Variants in WFS1 observed in about 807,000 individuals in gnomAD.
The protein encoded by WFS1 is wolframin.
A neutral mutation model predicts 68.5 loss-of-function variants in WFS1; 90 were observed. The observed-to-expected ratio is 1.31, with a 90% confidence interval of 1.11 to 1.56. WFS1 has a LOEUF of 1.56. Ranked by LOEUF, WFS1 falls within the 40% of genes most tolerant of loss-of-function variation. WFS1 has a pLI of 0.00. For synonymous variants in WFS1, 860 were observed against 540.7 expected (o/e 1.59, Z -8.19); for missense variants, 1,767 against 1,232.6 (o/e 1.43, Z -6.49).
At chr4:6,299,464 G>C (rs558790626) in intron 7 of WFS1, among the ~76,000 whole-genome samples, 4 of 150,394 alleles carry the variant, frequency 2.7e-5, no homozygotes, top group Non-Finnish European at 5.9e-5. Context: ...GCATGTGTGA[G>C]GGTGCACGTG....
chr4:6,276,414 G>A (rs1729996438), intron 1 of WFS1, among the ~76,000 whole-genome samples: 1 of 152,188 alleles, frequency 6.6e-6, no homozygotes, highest in Non-Finnish European at 1.5e-5. Flanking sequence ...ACGGGTCACG[G>A]GATCTCTGCT....
Position 6,302,822 on chromosome 4 carries a change from C to CCT in WFS1, c.*357_*358dup, listed in dbSNP as rs1491503891. On this transcript the variant is annotated 3_prime_UTR_variant, in exon 8 of 8. Coordinates refer to ENST00000226760, the MANE Select transcript of WFS1 (RefSeq NM_006005.3). ...TCCCCCACCTTCAAGCACCCTGTTCCCTCTTTCTTTCTTTTGTGTTGGATT... is the reference window on the plus strand; with the variant it reads ...TCCCCCACCTTCAAGCACCCTGTTCCCTCTCTTTCTTTCTTTTGTGTTGGATT... 2 of 380,056 alleles carry CCT rather than the reference C, an allele frequency of 5.3e-6. No individual in the cohort carries two copies. Among genetic ancestry groups the CCT allele is most frequent in the African/African-American group, 2.1e-5 (1 of 48,746 alleles). 23.5% of individuals were successfully genotyped at this position (380,056 alleles called of 1,614,324 possible).
rs1041909731 is a variant in WFS1, at chr4:6,301,887, G to T, written c.2092G>T (p.Val698Phe). The T allele has an allele frequency of 6.2e-7, 1 of 1,612,898 alleles. No individual in the cohort carries two copies. The highest frequency in any genetic ancestry group is 8.5e-7 in the Non-Finnish European group (1 of 1,179,824). The change falls in exon 8 of 8, where the codon GTC becomes TTC. Residue 698 changes from valine (V) to phenylalanine (F), a missense_variant. Val to Phe is a conservative substitution (Grantham distance 50). Transcript: ENST00000226760. ...CTGCAGCCACCTGGAGGGCCACAGG[G>T]TCACGTGGACCGGCCGCTTCAAGTA... ...ILCSHLEGHR[V>F]TWTGRFKYVR...
At chr4:6,298,778 A>G (rs1730728528) in intron 7 of WFS1, among the ~76,000 whole-genome samples, 1 of 152,238 alleles carries the variant, frequency 6.6e-6, no homozygotes, top group African/African-American at 2.4e-5. Context: ...GGCTGTTGGC[A>G]GGTGAGGGCC....
At chr4:6,273,450 G>T (rs537949192) in intron 1 of WFS1, among the ~76,000 whole-genome samples, 6 of 152,342 alleles carry the variant, frequency 3.9e-5, no homozygotes, top group African/African-American at 1.4e-4. Context: ...GGATCTGAGG[G>T]TGCAGAGTGG....
rs398124214 is a variant in WFS1 at position 6,302,295 on chromosome 4, G to T, written c.2500G>T (p.Gly834Cys). The T allele has an allele frequency of 1.2e-6, 2 of 1,606,054 alleles. No homozygotes were observed. The highest frequency in any genetic ancestry group is 1.7e-6 in the Non-Finnish European group (2 of 1,174,766). ...EFSTILEGRLGSKWPVFELKA... is the reference protein window; with the variant it reads ...EFSTILEGRLCSKWPVFELKA... ...CAGCACCATCCTGGAGGGCCGCCTG[G>T]GCAGCAAGTGGCCTGTCTTCGAGCT... The change falls in exon 8 of 8, where the codon GGC (glycine) becomes TGC (cysteine). Residue 834 changes from glycine to cysteine, a missense_variant. By Grantham distance (159) the Gly-to-Cys change is radical. Coordinates refer to ENST00000226760, the MANE Select transcript of WFS1 (RefSeq NM_006005.3).
chr4:6,288,165 C>T (rs1442204182), intron 3 of WFS1, among the ~76,000 whole-genome samples: 5 of 149,178 alleles, frequency 3.4e-5, no homozygotes, highest in Admixed American at 6.8e-5. Context: ...TGCAGTGAGC[C>T]GAGATCGCAC....
chr4:6,275,078 C>G (rs62283057), intron 1 of WFS1, among the ~76,000 whole-genome samples: 1 of 151,984 alleles, frequency 6.6e-6, no homozygotes, highest in East Asian at 1.9e-4. Context: ...GAGGAACTCA[C>G]GACAATAGGA....
rs766488272 is a variant in WFS1 at position 6,301,278 on chromosome 4, C to G, written c.1483C>G (p.His495Asp). The G allele has an allele frequency of 1.2e-6, 2 of 1,611,474 alleles. No individual in the cohort carries two copies. The highest frequency in any genetic ancestry group is 3.3e-4 in the Middle Eastern group (2 of 6,062). Residue 495 changes from histidine to aspartate, a missense_variant, in exon 8 of 8, where the codon CAC becomes GAC. Transcript: ENST00000226760. ...GACCTTCATCACCGTGCCTGTCGGC[C>G]ACCTGGTCGTCCTCAACGTCAGCGT... ...GQTFITVPVG[H>D]LVVLNVSVPC...
intron 7 of WFS1, among the ~76,000 whole-genome samples, chr4:6,295,427 G>C (rs540644086): frequency 1.3e-5 from 2 of 152,294 alleles, no homozygotes; most frequent in African/African-American, 4.8e-5. Flanking sequence ...TGTTGGGCAG[G>C]AGTGCTAGGA....
chr4:6,296,283 G>C (rs1730637470), intron 7 of WFS1, among the ~76,000 whole-genome samples: 1 of 152,224 alleles, frequency 6.6e-6, no homozygotes, highest in Non-Finnish European at 1.5e-5. Flanking sequence ...AGCAGGCACA[G>C]CAGCCCTGCT....
At chr4:6,295,247 C>T (rs1285849029) in intron 7 of WFS1, 58 bp downstream of exon 7, 1 of 1,603,570 alleles carries the variant, frequency 6.2e-7, no homozygotes, top group African/African-American at 1.3e-5. Flanking sequence ...TCGCGCACCT[C>T]AGGCAGGGCA....
At position 6,301,412 on chromosome 4, in the gene WFS1, G is replaced by C. The variant is rs1360176980; in HGVS notation, c.1617G>C (p.Met539Ile). 2 of 1,612,526 alleles carry C rather than the reference G, an allele frequency of 1.2e-6. No homozygotes were observed. Among genetic ancestry groups the C allele is most frequent in the African/African-American group, 2.7e-5 (2 of 75,074 alleles). The change falls in exon 8 of 8, where the codon ATG becomes ATC. Residue 539 changes from methionine to isoleucine, a missense_variant. Met to Ile is a conservative substitution (Grantham distance 10). Transcript: ENST00000226760. The stretch of plus-strand genomic sequence containing the variant: ...TTGTGCCCTACCTGGTGTGCTTCAT[G>C]TGGTGTGAGCTCTCCGTGGTCATCC... ...CYLVPYLVCF[M>I]WCELSVVILL...
At chr4:6,271,088 T>A (rs1004072106) in intron 1 of WFS1, among the ~76,000 whole-genome samples, 1 of 152,336 alleles carries the variant, frequency 6.6e-6, no homozygotes, top group Middle Eastern at 3.4e-3. Flanking sequence ...GGGTACCCCA[T>A]GTGCTGGCTG....
At position 6,301,087 on chromosome 4, in the gene WFS1, A is replaced by G. The variant is rs755628885; in HGVS notation, c.1292A>G (p.Glu431Gly). 1 of 1,613,938 alleles carries G rather than the reference A, an allele frequency of 6.2e-7. No homozygotes were observed. Among genetic ancestry groups the G allele is most frequent in the Non-Finnish European group, 8.5e-7 (1 of 1,180,006 alleles). Residue 431 changes from glutamate (E) to glycine (G), a missense_variant, in exon 8 of 8, where the codon GAG (glutamate) becomes GGG (glycine). By Grantham distance (98) the Glu-to-Gly change is moderately conservative. Coordinates refer to ENST00000226760, the MANE Select transcript of WFS1 (RefSeq NM_006005.3). Reference sequence around the variant, plus strand: ...AGCAAGGACTGCATCCCCTGCTCGGAGCTGGCTGTCATCACCGGCTTCTTT... The same window carrying G: ...AGCAAGGACTGCATCCCCTGCTCGGGGCTGGCTGTCATCACCGGCTTCTTT... Reference protein sequence around the residue: ...IASKDCIPCSELAVITGFFTV... With the variant: ...IASKDCIPCSGLAVITGFFTV...
Position 6,302,441 on chromosome 4 carries a change from T to C in WFS1, c.2646T>C (p.Phe882=). Reference sequence around the variant, plus strand: ...CCGTGAAGTTCGCCTTCGACTTCTTTTTCTTCCCATTCCTGTCGGCGGCCT... The same window carrying C: ...CCGTGAAGTTCGCCTTCGACTTCTTCTTCTTCCCATTCCTGTCGGCGGCCT... ...HGAVKFAFDF[F]FFPFLSAA The change falls in exon 8 of 8, where the codon TTT becomes TTC. Residue 882 remains phenylalanine, a synonymous_variant. Coordinates refer to ENST00000226760, the MANE Select transcript of WFS1 (RefSeq NM_006005.3). 6.2e-7 allele frequency: 1 copy of C among 1,612,492 alleles called. No homozygotes were observed. Among genetic ancestry groups the C allele is most frequent in the Admixed American group, 1.7e-5 (1 of 60,032 alleles).
In WFS1 at chr4:6,287,546, TA is replaced by T. The variant is rs568085427; in HGVS notation, c.315+372del. 7.3e-4 allele frequency among the ~76,000 whole-genome samples: 111 copies of T among 152,292 alleles called. No homozygotes were observed. Among genetic ancestry groups the T allele is most frequent in the Non-Finnish European group, 1.5e-3 (99 of 68,010 alleles). ...CCTGACTGGCCTTTCACCTGGCTGT[TA>T]GCTGTGTGCACGGGGCCCTCAGAGC... On this transcript the variant is annotated intron_variant, in intron 3 of 7. Coordinates refer to ENST00000226760, the MANE Select transcript of WFS1 (RefSeq NM_006005.3). The surrounding 1 kb of genome is among the most constrained non-coding windows in gnomAD (Gnocchi z 6.4).
chr4:6,302,751 G>A lies in WFS1; in HGVS notation c.*283G>A. On this transcript the variant is annotated 3_prime_UTR_variant, in exon 8 of 8. Coordinates refer to ENST00000226760, the MANE Select transcript of WFS1 (RefSeq NM_006005.3). ...ATGGGTGTGCCAGGCTAGACTAGGA[G>A]GTTCCGGTGTCTGGAAAAGCACTTT... 5.5e-6 allele frequency: 3 copies of A among 545,774 alleles called. No homozygotes were observed. The highest frequency in any genetic ancestry group is 3.1e-5 in the East Asian group (1 of 31,810). The allele number at this position is 545,774 out of a possible 1,614,324, so 33.8% of individuals were successfully genotyped here. A position where few individuals can be genotyped will look rare whatever the true frequency, so the allele number is the denominator to read the frequency against.
In WFS1 at chr4:6,277,579, C is replaced by G. The variant is rs71530923; in HGVS notation, c.124C>G (p.Arg42Gly). 9 of 1,583,908 alleles carry G rather than the reference C, an allele frequency of 5.7e-6. No homozygotes were observed. The highest frequency in any genetic ancestry group is 1.7e-4 in the Middle Eastern group (1 of 6,024). Residue 42 changes from arginine to glycine, a missense_variant, in exon 2 of 8, where the codon CGA becomes GGA. Transcript: ENST00000226760. ...SLEQERSERP[R>G]APGPQAGPGP... ...GGAGCAGGAGAGGAGCGAAAGGCCC[C>G]GAGCACCCGGACCCCAGGCTGGCCC...
Sources: allele counts gnomAD v4.1 joint callset (sites outside exome capture counted in the v4.1 genomes callset), GRCh38; gene constraint gnomAD v4.1.1; non-coding constraint Gnocchi (gnomAD v3.1); transcripts MANE v1.5; gene names NCBI Gene and HGNC (gene_info 2026-07-23, HGNC 2026-07-21).